Variants in SMURF1 observed in about 807,000 individuals in gnomAD.
SMURF1 encodes E3 ubiquitin-protein ligase SMURF1.
Under a neutral mutation model 98.0 loss-of-function variants are expected in SMURF1, and 44 were observed. The observed-to-expected ratio is 0.45, with a 90% CI of 0.35 to 0.58. SMURF1 has a LOEUF of 0.58. Ranked by LOEUF, SMURF1 falls within the 20% of genes least tolerant of loss-of-function variation. SMURF1 has a pLI of 0.00. For missense variants in SMURF1, 687 were observed against 938.4 expected (o/e 0.73, Z 3.50); for synonymous variants, 396 against 374.9 (o/e 1.06, Z -0.65).
chr7:99,115,810 G>T (rs753576190), intron 1 of SMURF1, among the ~76,000 whole-genome samples: 3 of 151,576 alleles, frequency 2.0e-5, no homozygotes, highest in Non-Finnish European at 4.4e-5. Context: ...ATAACCAAAA[G>T]AACTTCCAAA....
At chr7:99,138,439 A>G (rs1429599542) in intron 1 of SMURF1, among the ~76,000 whole-genome samples, 1 of 152,238 alleles carries the variant, frequency 6.6e-6, no homozygotes, top group Non-Finnish European at 1.5e-5. Flanking sequence ...GAAATATTTC[A>G]TAAATAACAC....
chr7:99,136,522 C>T (rs1013715371), intron 1 of SMURF1, among the ~76,000 whole-genome samples: 3 of 152,134 alleles, frequency 2.0e-5, no homozygotes, highest in Non-Finnish European at 4.4e-5. Context: ...TATATCATAA[C>T]GTCTATAAAT....
rs963252640 is a variant in SMURF1, at chr7:99,143,846, C to CCCGCCG, written c.-72_-67dup. 136 of 1,396,036 alleles carry CCCGCCG rather than the reference C, an allele frequency of 9.7e-5. No individual in the cohort carries two copies. The highest frequency in any genetic ancestry group is 1.1e-4 in the Non-Finnish European group (120 of 1,057,390). The allele number at this position is 1,396,036 out of a possible 1,614,324, so 86.5% of individuals were successfully genotyped here. On this transcript the variant is annotated 5_prime_UTR_variant, in exon 1 of 18. Coordinates refer to ENST00000361368, the MANE Select transcript of SMURF1 (RefSeq NM_181349.3). ...GCCCCCCAGCCCGGCCCGGCCCGGCCCCGCCGCCGCCGCCTCAAGGTTACG... is the reference window on the plus strand; with the variant it reads ...GCCCCCCAGCCCGGCCCGGCCCGGCCCCGCCGCCGCCGCCGCCGCCTCAAGGTTACG...
intron 1 of SMURF1, among the ~76,000 whole-genome samples, chr7:99,080,539 T>C (rs1279875636): frequency 6.6e-6 from 1 of 152,176 alleles, no homozygotes; most frequent in Non-Finnish European, 1.5e-5. Context: ...CCTCAGGTGA[T>C]CAGCCCACCT....
chr7:99,143,206 G>A (rs1798174647), intron 1 of SMURF1, among the ~76,000 whole-genome samples: 1 of 132,174 alleles, frequency 7.6e-6, no homozygotes, highest in African/African-American at 2.9e-5. Flanking sequence ...GGTTTGGGGA[G>A]GAAAGGTGGG....
chr7:99,118,284 A>G (rs953340833), intron 1 of SMURF1, among the ~76,000 whole-genome samples: 1 of 152,212 alleles, frequency 6.6e-6, no homozygotes, highest in Non-Finnish European at 1.5e-5. Context: ...ATGACCCAGC[A>G]TTTCCATTCT....
intron 1 of SMURF1, among the ~76,000 whole-genome samples, chr7:99,129,690 C>T (rs984349161): frequency 6.6e-6 from 1 of 152,208 alleles, no homozygotes; most frequent in African/African-American, 2.4e-5. Context: ...CTGTACCCAG[C>T]CTTCCCCCAT....
chr7:99,037,923 A>G (rs973534299), intron 14 of SMURF1, among the ~76,000 whole-genome samples: 2 of 152,242 alleles, frequency 1.3e-5, no homozygotes, highest in African/African-American at 4.8e-5. Flanking sequence ...TACATTTGAA[A>G]GTACAGCACA....
Position 99,052,343 on chromosome 7 carries a change from A to G in SMURF1, c.583T>C (p.Cys195Arg), listed in dbSNP as rs1480947340. 1 of 1,612,538 alleles carries G rather than the reference A, an allele frequency of 6.2e-7. No homozygotes were observed. Among genetic ancestry groups the G allele is most frequent in the Non-Finnish European group, 8.5e-7 (1 of 1,179,380 alleles). ...STGAAAGGGN[C>R]RFVESPSQDQ... The stretch of plus-strand genomic sequence containing the variant: ...TGACTTGGGGACTCCACGAACCTGC[A>G]ATTCCCTCCTCCAGCAGCAGCACCG... The change falls in exon 7 of 18, where the codon TGC (cysteine) becomes CGC (arginine). Residue 195 changes from cysteine to arginine, a missense_variant. Coordinates refer to ENST00000361368, the MANE Select transcript of SMURF1 (RefSeq NM_181349.3).
chr7:99,090,608 TC>T (rs1161366748), intron 1 of SMURF1, among the ~76,000 whole-genome samples: 1 of 151,666 alleles, frequency 6.6e-6, no homozygotes, highest in Non-Finnish European at 1.5e-5. Context: ...AAATATTAAA[TC>T]CCCCCACCCA....
At chr7:99,132,699 G>GACGGACACACAC (rs1554451189) in intron 1 of SMURF1, among the ~76,000 whole-genome samples, 1 of 147,292 alleles carries the variant, frequency 6.8e-6, no homozygotes, top group African/African-American at 2.5e-5. Context: ...CAGACACACG[G>GACGGACACACAC]ACACACACAC....
chr7:99,038,297 T>TG, intron 14 of SMURF1, 91 bp downstream of exon 14: 1 of 1,462,154 alleles, frequency 6.8e-7, no homozygotes. Flanking sequence ...ATCAGGGACA[T>TG]GCAGGCCTCA....
intron 1 of SMURF1, among the ~76,000 whole-genome samples, chr7:99,071,717 G>A (rs1796327294): frequency 2.0e-5 from 3 of 152,038 alleles, no homozygotes; most frequent in African/African-American, 4.8e-5. Context: ...ATCTATATAG[G>A]ACAATTTCTA....
chr7:99,056,496 A>C lies in SMURF1; in HGVS notation c.403+709T>G, dbSNP rs193160298. ...GACTGTACAAATCATATTACATGGA[A>C]TTCTTCACAACTCTATGCTTTTTAC... On this transcript the variant is annotated intron_variant, in intron 5 of 17. Transcript: ENST00000361368. Among the ~76,000 whole-genome samples the C allele has an allele frequency of 1.4e-3, 207 of 152,320 alleles. 1 individual carries two copies. Among genetic ancestry groups the C allele is most frequent in the Non-Finnish European group, 5.3e-4 (36 of 68,024 alleles).
intron 1 of SMURF1, among the ~76,000 whole-genome samples, chr7:99,067,690 G>A (rs775394763): frequency 2.6e-5 from 4 of 152,096 alleles, no homozygotes; most frequent in Non-Finnish European, 2.9e-5. Context: ...AGTGGCTCAC[G>A]CCTGTAATCC....
chr7:99,038,922 A>G (rs943334050), intron 13 of SMURF1, among the ~76,000 whole-genome samples: 4 of 152,126 alleles, frequency 2.6e-5, no homozygotes, highest in Admixed American at 6.5e-5. Flanking sequence ...GGCCAGGTAC[A>G]GCGGCTTACA....
At position 99,058,632 on chromosome 7, in the gene SMURF1, T is replaced by TTA. The variant is rs201756681; in HGVS notation, c.204-1083_204-1082dup. Among the ~76,000 whole-genome samples, 1,018 of 152,250 alleles carry TTA rather than the reference T, an allele frequency of 6.7e-3. 16 individuals are homozygous for TTA. Among genetic ancestry groups the TTA allele is most frequent in the African/African-American group, 0.023 (951 of 41,540 alleles). On this transcript the variant is annotated intron_variant, in intron 3 of 17. Transcript: ENST00000361368. Reference sequence around the variant, plus strand: ...CAACGGAGAGAGGAACTCAACCCACTTACACAGCCTCAGTGTCACTGAAAC... The same window carrying TTA: ...CAACGGAGAGAGGAACTCAACCCACTTATACACAGCCTCAGTGTCACTGAAAC...
intron 1 of SMURF1, among the ~76,000 whole-genome samples, chr7:99,092,896 T>C (rs1183229296): frequency 6.6e-6 from 1 of 152,168 alleles, no homozygotes; most frequent in East Asian, 1.9e-4. Context: ...CTGGGAACGA[T>C]GGTTCAGGAT....
rs977280942 is a variant in SMURF1 at position 99,055,017 on chromosome 7, A to G, written c.404-152T>C. ...CACACATATATTCCTATGCTTTCCA[A>G]TACGAAGCATTTTACTCCAGTAGCT... On this transcript the variant is annotated intron_variant, in intron 5 of 17. Coordinates refer to ENST00000361368, the MANE Select transcript of SMURF1 (RefSeq NM_181349.3). The G allele has an allele frequency of 6.2e-6, 4 of 649,556 alleles. No homozygotes were observed. In the East Asian group the frequency reaches 8.0e-5, roughly 13 times the overall value. The allele number at this position is 649,556 out of a possible 1,614,324, so 40.2% of individuals were successfully genotyped here. A position where few individuals can be genotyped will look rare whatever the true frequency, so the allele number is the denominator to read the frequency against.
Sources: gnomAD v4.1 joint callset for allele counts (sites outside exome capture counted in the v4.1 genomes callset) on GRCh38, gnomAD v4.1.1 for gene constraint, MANE v1.5 for transcripts, NCBI Gene and HGNC (gene_info 2026-07-23, HGNC 2026-07-21) for gene names.